The following BRINP2 variants were observed in gnomAD, a reference collection of about 807,000 sequenced individuals.
BRINP2 encodes BMP/retinoic acid inducible neural specific 2.
In BRINP2, 21 loss-of-function variants were observed where a neutral mutation model predicts 69.2. The ratio of observed to expected loss-of-function variants is 0.30; its 90% CI spans 0.22 to 0.44. BRINP2 has a LOEUF of 0.44. Ranked by LOEUF, BRINP2 falls within the 20% of genes least tolerant of loss-of-function variation. BRINP2 has a pLI of 1.00. For missense variants in BRINP2, 877 were observed against 986.0 expected, an observed-to-expected ratio of 0.89 and a Z score of 1.48; for synonymous variants, 380 against 394.1, an observed-to-expected ratio of 0.96 and a Z score of 0.42.
At chr1:177,233,088 A>T (rs751282810) in intron 2 of BRINP2, among the ~76,000 whole-genome samples, 1 of 152,234 alleles carries the variant, frequency 6.6e-6, no homozygotes, top group Non-Finnish European at 1.5e-5. Flanking sequence ...ACATTAAACT[A>T]CAAATTATAC....
At chr1:177,171,943 T>C (rs1647946322) in intron 1 of BRINP2, among the ~76,000 whole-genome samples, 1 of 152,204 alleles carries the variant, frequency 6.6e-6, no homozygotes, top group African/African-American at 2.4e-5. Flanking sequence ...GCTCTGGTAT[T>C]GCCTCCTGGT....
chr1:177,196,875 A>G (rs1361113963), intron 1 of BRINP2, among the ~76,000 whole-genome samples: 1 of 152,108 alleles, frequency 6.6e-6, no homozygotes, highest in Non-Finnish European at 1.5e-5. Context: ...CTCACTCTTA[A>G]CGTCTGTGCT....
intron 6 of BRINP2, among the ~76,000 whole-genome samples, chr1:177,276,849 T>TAA (rs1651512814): frequency 6.6e-6 from 1 of 152,242 alleles, no homozygotes; most frequent in African/African-American, 2.4e-5. Flanking sequence ...TTGTTGCTGT[T>TAA]AAAGCTAATA....
chr1:177,211,282 T>C (rs1251058174), intron 1 of BRINP2, among the ~76,000 whole-genome samples: 3 of 152,178 alleles, frequency 2.0e-5, no homozygotes, highest in African/African-American at 7.2e-5. Context: ...TTCATTTTTC[T>C]CCTGTGTGCT....
At chr1:177,199,091 G>A (rs1648828118) in intron 1 of BRINP2, among the ~76,000 whole-genome samples, 1 of 152,196 alleles carries the variant, frequency 6.6e-6, no homozygotes, top group Non-Finnish European at 1.5e-5. Context: ...ATTGCAAGAT[G>A]GGAGTAGGAG....
At chr1:177,210,598 T>C (rs889975300) in intron 1 of BRINP2, among the ~76,000 whole-genome samples, 7 of 152,296 alleles carry the variant, frequency 4.6e-5, no homozygotes, top group South Asian at 4.1e-4. Context: ...GAGCATTTAA[T>C]ATATAGCTTG....
intron 4 of BRINP2, among the ~76,000 whole-genome samples, chr1:177,272,302 C>T (rs1207202727): frequency 2.6e-5 from 4 of 152,198 alleles, no homozygotes; most frequent in Non-Finnish European, 5.9e-5. Flanking sequence ...TATGCACCTA[C>T]CTGCCCCACA....
rs1051580087 is a variant in BRINP2, at chr1:177,183,054, G to A, written c.-77+11322G>A. ...TGCTGTATTTATTTATTATTTAAAA[G>A]CAGGATGAAGCAATCCAGCCTCCTA... On this transcript the variant is annotated intron_variant, in intron 1 of 7. Transcript: ENST00000361539. Among the ~76,000 whole-genome samples the A allele has an allele frequency of 2.7e-5, 4 of 148,652 alleles. No individual in the cohort carries two copies. The South Asian group carries it at 8.7e-4, about 32-fold the overall frequency.
In BRINP2 at chr1:177,281,684, G is replaced by T; in HGVS notation, c.*156G>T. The T allele has an allele frequency of 1.0e-6, 1 of 959,368 alleles. No homozygotes were observed. The highest frequency in any genetic ancestry group is 2.5e-5 in the East Asian group (1 of 40,328). 59.4% of individuals were successfully genotyped at this position (959,368 alleles called of 1,614,324 possible). A position where few individuals can be genotyped will look rare whatever the true frequency, so the allele number is the denominator to read the frequency against. Reference sequence around the variant, plus strand: ...TCGAGGCTCGAGCTGAAGCAGGCGAGAGAGAAACAGCTACTGCGTGCGTGC... The same window carrying T: ...TCGAGGCTCGAGCTGAAGCAGGCGATAGAGAAACAGCTACTGCGTGCGTGC... On this transcript the variant is annotated 3_prime_UTR_variant, in exon 8 of 8. Coordinates refer to ENST00000361539, the MANE Select transcript of BRINP2 (RefSeq NM_021165.4).
chr1:177,190,365 G>C (rs1648551628), intron 1 of BRINP2, among the ~76,000 whole-genome samples: 1 of 152,160 alleles, frequency 6.6e-6, no homozygotes, highest in Non-Finnish European at 1.5e-5. Flanking sequence ...CTGTCCCCTA[G>C]AGCAGTCCCT....
intron 1 of BRINP2, among the ~76,000 whole-genome samples, chr1:177,187,202 A>G (rs114219691): frequency 0.035 from 5,273 of 150,346 alleles, 92 homozygotes; most frequent in African/African-American, 0.061. Flanking sequence ...TCTCTAACTC[A>G]ACTGTTTCCT....
intron 2 of BRINP2, among the ~76,000 whole-genome samples, chr1:177,246,277 G>A (rs1055576077): frequency 6.6e-6 from 1 of 152,210 alleles, no homozygotes; most frequent in Non-Finnish European, 1.5e-5. Flanking sequence ...CCCTGAGCTT[G>A]AACACAGGTC....
At chr1:177,220,235 C>G (rs1649485012) in intron 1 of BRINP2, among the ~76,000 whole-genome samples, 1 of 151,984 alleles carries the variant, frequency 6.6e-6, no homozygotes, top group South Asian at 2.1e-4. Flanking sequence ...GGCACAGAAG[C>G]CAAAAAGGGT....
At chr1:177,240,188 G>A (rs1650152603) in intron 2 of BRINP2, among the ~76,000 whole-genome samples, 1 of 152,222 alleles carries the variant, frequency 6.6e-6, no homozygotes, top group Non-Finnish European at 1.5e-5. Context: ...AGGAGGGATA[G>A]GAAGAAAGTC....
chr1:177,248,939 A>C (rs1010554444), intron 2 of BRINP2, among the ~76,000 whole-genome samples: 1 of 152,158 alleles, frequency 6.6e-6, no homozygotes, highest in African/African-American at 2.4e-5. Flanking sequence ...CCTGTGCCTG[A>C]GATCTGGCAT....
At chr1:177,189,022 G>A (rs1269886347) in intron 1 of BRINP2, among the ~76,000 whole-genome samples, 1 of 152,144 alleles carries the variant, frequency 6.6e-6, no homozygotes, top group African/African-American at 2.4e-5. Context: ...GCTCAAGAGG[G>A]TTCTTGGAGA....
chr1:177,182,272 T>TC (rs888816567), intron 1 of BRINP2, among the ~76,000 whole-genome samples: 23 of 151,854 alleles, frequency 1.5e-4, no homozygotes, highest in African/African-American at 5.3e-4. Context: ...TCAGGGCCCT[T>TC]CACACCTCTC....
intron 1 of BRINP2, among the ~76,000 whole-genome samples, chr1:177,204,286 G>A (rs1225960843): frequency 6.6e-6 from 1 of 152,120 alleles, no homozygotes; most frequent in Non-Finnish European, 1.5e-5. Context: ...GTGAGTTCAG[G>A]AGAGGGCCTA....
At chr1:177,265,341 A>G (rs145263211) in intron 4 of BRINP2, among the ~76,000 whole-genome samples, 255 of 152,368 alleles carry the variant, frequency 1.7e-3, no homozygotes, top group African/African-American at 6.0e-3. Context: ...TAAAAACCAT[A>G]GAAGAAAACC....
Sources: gnomAD v4.1 joint callset for allele counts (sites outside exome capture counted in the v4.1 genomes callset) on GRCh38, gnomAD v4.1.1 for gene constraint, MANE v1.5 for transcripts, NCBI Gene and HGNC (gene_info 2026-07-23, HGNC 2026-07-21) for gene names.